PMM2: variants seen among roughly 807,000 people sequenced by gnomAD.
The protein encoded by PMM2 is mannose-6-phosphate isomerase.
PMM2 carries 35 observed loss-of-function variants against 33.2 expected under a neutral mutation model. The ratio of observed to expected loss-of-function variants is 1.06; its 90% CI spans 0.81 to 1.40. PMM2 has a LOEUF of 1.40. PMM2 is among the 40% of genes most tolerant of loss of function. PMM2 has a pLI of 0.00. For synonymous variants in PMM2, 153 were observed against 114.7 expected (o/e 1.33, Z -2.13); for missense variants, 386 against 306.0 (o/e 1.26, Z -1.95).
At chr16:8,810,845 C>T (rs2060673262) in intron 4 of PMM2, 2 of 569,170 alleles carry the variant, frequency 3.5e-6, no homozygotes, top group Non-Finnish European at 6.3e-6. Context: ...GATGCAATTA[C>T]ATTCCTTTTT....
chr16:8,848,997 A>C lies in PMM2; in HGVS notation c.*1172A>C, dbSNP rs908538601. The C allele has an allele frequency of 6.6e-6, 1 of 152,202 alleles. No homozygotes were observed. The highest frequency in any genetic ancestry group is 1.5e-5 in the Non-Finnish European group (1 of 68,058). 9.4% of individuals were successfully genotyped at this position (152,202 alleles called of 1,614,324 possible). ...TCAGGATGTGGAAACACTGAGCCAT[A>C]CACCCTCCATTGCTTGGTGCTGGGG... On this transcript the variant is annotated 3_prime_UTR_variant, in exon 8 of 8. Transcript: ENST00000268261.
intron 1 of PMM2, among the ~76,000 whole-genome samples, chr16:8,801,054 T>C (rs2141016457): frequency 6.6e-6 from 1 of 152,300 alleles, no homozygotes; most frequent in African/African-American, 2.4e-5. Context: ...AAATGGAGTA[T>C]AGTGTAGCAT....
chr16:8,798,958 C>T (rs932461331), intron 1 of PMM2, among the ~76,000 whole-genome samples: 15 of 152,216 alleles, frequency 9.9e-5, no homozygotes, highest in African/African-American at 2.9e-4. Flanking sequence ...AGTGATGACG[C>T]TCAACTCCCA....
At chr16:8,810,239 T>C (rs1410975083) in intron 4 of PMM2, 10 of 152,266 alleles carry the variant, frequency 6.6e-5, no homozygotes, top group Non-Finnish European at 1.3e-4. Flanking sequence ...CAGTTATTAC[T>C]GAGGCTCGTT....
Position 8,811,639 on chromosome 16 carries a change from A to C in PMM2, c.449A>C (p.Lys150Thr). 1 of 1,607,478 alleles carries C rather than the reference A, an allele frequency of 6.2e-7. No individual in the cohort carries two copies. Among genetic ancestry groups the C allele is most frequent in the Non-Finnish European group, 8.5e-7 (1 of 1,173,966 alleles). ...ERIEFYELDKKENIRQKFVAD... is the reference protein window; with the variant it reads ...ERIEFYELDKTENIRQKFVAD... The stretch of plus-strand genomic sequence containing the variant: ...TTGGTATCTTTTTGTTTTTCTCAGA[A>C]AGAAAATATAAGACAAAAGTTTGTA... The change falls in exon 6 of 8, where the codon AAA becomes ACA. Residue 150 changes from lysine (K) to threonine (T), a missense_variant and splice_region_variant. Lys to Thr is a moderately conservative substitution (Grantham distance 78). Transcript: ENST00000268261.
chr16:8,812,956 C>A, intron 6 of PMM2, 35 bp from the exon 7 acceptor site: 1 of 1,191,622 alleles, frequency 8.4e-7, no homozygotes, highest in South Asian at 1.2e-5. Flanking sequence ...CCTTTTTCAC[C>A]TTTTGCCTTT....
chr16:8,805,154 G>A (rs1358086461), intron 3 of PMM2, among the ~76,000 whole-genome samples: 2 of 152,038 alleles, frequency 1.3e-5, no homozygotes, highest in African/African-American at 2.4e-5. Context: ...GCCTACCTCC[G>A]CCTCCCTGGT....
chr16:8,811,229 GAT>G, intron 5 of PMM2, 51 bp downstream of exon 5: 1 of 1,195,796 alleles, frequency 8.4e-7, no homozygotes, highest in East Asian at 2.5e-5. Flanking sequence ...ATGGAAATAA[GAT>G]ATGGCCTGGT....
At chr16:8,798,360 G>T (rs1326282534) in intron 1 of PMM2, among the ~76,000 whole-genome samples, 3 of 152,148 alleles carry the variant, frequency 2.0e-5, no homozygotes, top group African/African-American at 7.2e-5. Context: ...AGGTCAAACC[G>T]ACCTAGTGGA....
At chr16:8,837,424 C>G (rs894666482) in intron 7 of PMM2, among the ~76,000 whole-genome samples, 2 of 151,734 alleles carry the variant, frequency 1.3e-5, no homozygotes, top group African/African-American at 4.8e-5. Context: ...GTTTTAAGTT[C>G]TTAAGAACAC....
chr16:8,847,659 G>T, intron 7 of PMM2, 65 bp from the exon 8 acceptor site: 3 of 1,212,180 alleles, frequency 2.5e-6, no homozygotes, highest in Non-Finnish European at 3.7e-6. Flanking sequence ...GGACTCCAGG[G>T]TCACATCAGC....
chr16:8,846,524 G>T (rs11074953), intron 7 of PMM2, among the ~76,000 whole-genome samples: 1 of 151,856 alleles, frequency 6.6e-6, no homozygotes, highest in African/African-American at 2.4e-5. Flanking sequence ...ATTCATTAAC[G>T]TGAGCCCAGT....
intron 7 of PMM2, among the ~76,000 whole-genome samples, chr16:8,815,353 G>A (rs1300302311): frequency 2.0e-5 from 3 of 151,446 alleles, no homozygotes; most frequent in South Asian, 2.1e-4. Context: ...TCAGCCTCCC[G>A]ATTAGTGGCT....
At chr16:8,805,468 C>G (rs976546291) in intron 3 of PMM2, among the ~76,000 whole-genome samples, 3 of 151,958 alleles carry the variant, frequency 2.0e-5, no homozygotes, top group Admixed American at 6.6e-5. Flanking sequence ...ACAGGTGATC[C>G]TCTGCCTCAG....
rs1404236073 is a variant in PMM2 at position 8,816,456 on chromosome 16, G to A, written c.639+3350G>A. On this transcript the variant is annotated intron_variant, in intron 7 of 7. Transcript: ENST00000268261. ...GGCTAATTTTGTTTTTTTTAATGTT[G>A]GTGGCTGGGTGCGGTGGCTCACACC... Among the ~76,000 whole-genome samples the A allele has an allele frequency of 2.0e-5, 3 of 151,228 alleles. No homozygotes were observed. In the East Asian group the frequency reaches 5.9e-4, roughly 30 times the overall value.
At chr16:8,838,107 G>C (rs2060863794) in intron 7 of PMM2, among the ~76,000 whole-genome samples, 1 of 152,098 alleles carries the variant, frequency 6.6e-6, no homozygotes, top group Non-Finnish European at 1.5e-5. Context: ...TAGTTCTTAT[G>C]GGTTTTGGGA....
chr16:8,827,856 TG>T (rs1256930882), intron 7 of PMM2, among the ~76,000 whole-genome samples: 1 of 92,540 alleles, frequency 1.1e-5, no homozygotes, highest in Non-Finnish European at 2.3e-5. Flanking sequence ...ATAATATATA[TG>T]TTATATATTA....
chr16:8,806,369 T>A lies in PMM2; in HGVS notation c.309T>A (p.Cys103Ter). Reference sequence around the variant, plus strand: ...TAATCCAAGATTTAATCAACTACTGTCTGAGCTACATTGCGAAAATTAAAC... The same window carrying A: ...TAATCCAAGATTTAATCAACTACTGACTGAGCTACATTGCGAAAATTAAAC... ...EALIQDLINYCLSYIAKIKLP... is the reference protein window; with the variant it reads ...EALIQDLINY The change falls in exon 4 of 8, where the codon TGT becomes TGA. Residue 103 changes from cysteine to a stop codon, truncating the protein, a stop_gained. Coordinates refer to ENST00000268261, the MANE Select transcript of PMM2 (RefSeq NM_000303.3). LOFTEE classifies it high-confidence loss of function. 2 of 1,613,574 alleles carry A rather than the reference T, an allele frequency of 1.2e-6. No individual in the cohort carries two copies. Among genetic ancestry groups the A allele is most frequent in the Non-Finnish European group, 1.7e-6 (2 of 1,179,462 alleles).
In PMM2 at chr16:8,806,672, G is replaced by A. The variant is rs955361403; in HGVS notation, c.347+265G>A. ...ACCATGGGCCAGCGAATTTAAATCC[G>A]AATCCCAGCACTTAGTAAGGAATAA... is the stretch of plus-strand genomic sequence containing the variant. On this transcript the variant is annotated intron_variant, in intron 4 of 7. Transcript: ENST00000268261. 14 of 516,948 alleles carry A rather than the reference G, an allele frequency of 2.7e-5. No individual in the cohort carries two copies. In the East Asian group the frequency reaches 2.8e-4, roughly 10 times the overall value. 32.0% of individuals were successfully genotyped at this position (516,948 alleles called of 1,614,324 possible).
Sources: gnomAD v4.1 joint callset for allele counts (sites outside exome capture counted in the v4.1 genomes callset) on GRCh38, gnomAD v4.1.1 for gene constraint, MANE v1.5 for transcripts, NCBI Gene and HGNC (gene_info 2026-07-23, HGNC 2026-07-21) for gene names.